The following ZBTB8OS variants were observed in gnomAD, a reference collection of about 807,000 sequenced individuals.
The protein encoded by ZBTB8OS is tRNA splicing ligase complex subunit 1, also known as tRNA-splicing ligase-activating factor archease.
ZBTB8OS carries 16 observed loss-of-function variants against 29.3 expected under a neutral mutation model. The observed-to-expected ratio is 0.55, with a 90% CI of 0.37 to 0.83. The LOEUF (loss-of-function observed/expected upper bound fraction) is 0.83. Among genes scored for constraint, ZBTB8OS ranks in the 40% least tolerant of loss-of-function variants. The probability of loss-of-function intolerance (pLI) is 0.00; values close to 1 mark genes in which losing one functional copy is unlikely to be tolerated. For synonymous variants in ZBTB8OS, 70 were observed against 64.6 expected, an observed-to-expected ratio of 1.08 and a Z score of -0.40; for missense variants, 160 against 196.9, an observed-to-expected ratio of 0.81 and a Z score of 1.12.
intron 6 of ZBTB8OS, among the ~76,000 whole-genome samples, chr1:32,626,918 A>G (rs976184684): frequency 2.0e-5 from 3 of 152,218 alleles, no homozygotes; most frequent in Non-Finnish European, 4.4e-5. Flanking sequence ...TTTGAAAATG[A>G]TAAGAAATTC....
intron 1 of ZBTB8OS, among the ~76,000 whole-genome samples, chr1:32,639,058 G>C (rs1646206900): frequency 6.6e-6 from 1 of 151,756 alleles, no homozygotes; most frequent in Admixed American, 6.6e-5. Flanking sequence ...AATACTTTGG[G>C]AGGCTGAGGT....
intron 1 of ZBTB8OS, among the ~76,000 whole-genome samples, chr1:32,648,048 AT>A (rs1489335050): frequency 2.0e-5 from 3 of 152,246 alleles, no homozygotes; most frequent in East Asian, 1.9e-4. Context: ...CAAAAAAAAA[AT>A]AACCCAAGAG....
At chr1:32,647,439 A>G (rs75729862) in intron 1 of ZBTB8OS, among the ~76,000 whole-genome samples, 5 of 147,384 alleles carry the variant, frequency 3.4e-5, no homozygotes, top group Non-Finnish European at 7.5e-5. Context: ...TCTGTCTCAA[A>G]AAAAAAAAAA....
intron 3 of ZBTB8OS, 85 bp from the exon 4 acceptor site, chr1:32,633,812 G>C (rs1645749468): frequency 6.8e-7 from 1 of 1,460,312 alleles, no homozygotes; most frequent in African/African-American, 1.4e-5. Flanking sequence ...AAATGTCTTA[G>C]GTCAGTTTAA....
intron 4 of ZBTB8OS, chr1:32,633,254 G>A (rs575213577): frequency 6.1e-6 from 1 of 164,918 alleles, no homozygotes; most frequent in Non-Finnish European, 1.3e-5. Flanking sequence ...TGCGTGCAAT[G>A]CTCACACCTG....
chr1:32,637,685 T>C (rs1230511310), intron 1 of ZBTB8OS, among the ~76,000 whole-genome samples: 2 of 152,104 alleles, frequency 1.3e-5, no homozygotes, highest in Non-Finnish European at 2.9e-5. Flanking sequence ...AGTGGAGGAT[T>C]GACTGGAAAA....
chr1:32,641,158 C>A (rs1459889103), intron 1 of ZBTB8OS, among the ~76,000 whole-genome samples: 1 of 151,324 alleles, frequency 6.6e-6, no homozygotes, highest in Non-Finnish European at 1.5e-5. Flanking sequence ...GGCAATAGAG[C>A]AAGCCAAATA....
chr1:32,648,487 T>C lies in ZBTB8OS; in HGVS notation c.97+1946A>G, dbSNP rs544710855. On this transcript the variant is annotated intron_variant, in intron 1 of 6. Transcript: ENST00000468695. ...AGAAATAGCCTAAACGTCCATCAAC[T>C]GAAAATTGGTTAAAGCAAATGCTAG... is the stretch of plus-strand genomic sequence containing the variant. Among the ~76,000 whole-genome samples, 9 of 152,218 alleles carry C rather than the reference T, an allele frequency of 5.9e-5. No homozygotes were observed. The South Asian group carries it at 1.9e-3, about 32-fold the overall frequency.
rs116635263 is a variant in ZBTB8OS at position 32,633,508 on chromosome 1, T to C, written c.327+137A>G. ...AACCAGGAAGTGCCCGTGGTCATTATAATCTCTGCAAATCAGTATCATCTT... is the reference window on the plus strand; with the variant it reads ...AACCAGGAAGTGCCCGTGGTCATTACAATCTCTGCAAATCAGTATCATCTT... On this transcript the variant is annotated intron_variant, in intron 4 of 6. Transcript: ENST00000468695. The C allele has an allele frequency of 1.1e-3, 664 of 629,908 alleles. 4 individuals are homozygous for C. In the African/African-American group the frequency reaches 0.011, roughly 11 times the overall value. The allele number at this position is 629,908 out of a possible 1,614,324, so 39.0% of individuals were successfully genotyped here. A position where few individuals can be genotyped will look rare whatever the true frequency, so the allele number is the denominator to read the frequency against.
At chr1:32,644,188 G>C (rs187398171) in intron 1 of ZBTB8OS, among the ~76,000 whole-genome samples, 1 of 152,136 alleles carries the variant, frequency 6.6e-6, no homozygotes, top group Non-Finnish European at 1.5e-5. Context: ...TGATAGATCC[G>C]GGGCTTTGGG....
chr1:32,627,254 A>T (rs921950456), intron 6 of ZBTB8OS, among the ~76,000 whole-genome samples: 3 of 152,216 alleles, frequency 2.0e-5, no homozygotes, highest in Admixed American at 6.5e-5. Flanking sequence ...AAGGTCAAAA[A>T]GGCAAAGAGA....
chr1:32,646,535 C>T (rs374460632), intron 1 of ZBTB8OS, among the ~76,000 whole-genome samples: 1 of 151,346 alleles, frequency 6.6e-6, no homozygotes, highest in South Asian at 2.1e-4. Context: ...CTACAGGCGC[C>T]CGCCACCTCG....
chr1:32,640,101 A>T (rs572842782), intron 1 of ZBTB8OS: 16 of 148,756 alleles, frequency 1.1e-4, no homozygotes, highest in African/African-American at 3.6e-4. Flanking sequence ...AACTCAAAAC[A>T]TGGTATTTTT....
At chr1:32,646,492 A>G (rs1646841507) in intron 1 of ZBTB8OS, among the ~76,000 whole-genome samples, 1 of 151,132 alleles carries the variant, frequency 6.6e-6, no homozygotes, top group South Asian at 2.1e-4. Context: ...GGTTCACGCC[A>G]TTCTCCTGCC....
At chr1:32,646,413 A>T (rs1338194044) in intron 1 of ZBTB8OS, among the ~76,000 whole-genome samples, 1 of 151,370 alleles carries the variant, frequency 6.6e-6, no homozygotes, top group Non-Finnish European at 1.5e-5. Flanking sequence ...TTTGAGAAAG[A>T]GTCTCACTCT....
At chr1:32,631,948 T>TAGATAG in intron 4 of ZBTB8OS, 69 bp from the exon 5 acceptor site, 1 of 912,388 alleles carries the variant, frequency 1.1e-6, no homozygotes, top group Non-Finnish European at 1.6e-6. Context: ...AATCTTTTTG[T>TAGATAG]TCTGTTTTGT....
At chr1:32,646,106 G>C (rs1056087585) in intron 1 of ZBTB8OS, among the ~76,000 whole-genome samples, 3 of 152,054 alleles carry the variant, frequency 2.0e-5, no homozygotes, top group Non-Finnish European at 4.4e-5. Flanking sequence ...GATCATCTGA[G>C]GTCAGGAATT....
At chr1:32,644,599 G>C (rs2148458646) in intron 1 of ZBTB8OS, among the ~76,000 whole-genome samples, 1 of 140,134 alleles carries the variant, frequency 7.1e-6, no homozygotes, top group Middle Eastern at 3.6e-3. Flanking sequence ...GTGGCATGAT[G>C]ATAACCCACT....
Position 32,621,844 on chromosome 1 carries a change from CT to C in ZBTB8OS, c.*17del. On this transcript the variant is annotated 3_prime_UTR_variant, in exon 7 of 7. Coordinates refer to ENST00000468695, the MANE Select transcript of ZBTB8OS (RefSeq NM_178547.5). The stretch of plus-strand genomic sequence containing the variant: ...AACAAAAACAGTTCTTCGTAGGAGT[CT>C]TTTATTTTTTGGTGTCTTAAATGTC... 6.5e-7 allele frequency: 1 copy of C among 1,540,444 alleles called. No homozygotes were observed. Among genetic ancestry groups the C allele is most frequent in the Non-Finnish European group, 8.8e-7 (1 of 1,138,536 alleles).
Sources: gnomAD v4.1 joint callset for allele counts (sites outside exome capture counted in the v4.1 genomes callset) on GRCh38, gnomAD v4.1.1 for gene constraint, MANE v1.5 for transcripts, NCBI Gene and HGNC (gene_info 2026-07-23, HGNC 2026-07-21) for gene names.